Variants in TEKT3 observed in about 807,000 individuals in gnomAD.
The protein encoded by TEKT3 is tektin-3.
Under a neutral mutation model 49.8 loss-of-function variants are expected in TEKT3, and 49 were observed. That is an observed-to-expected ratio of 0.98 (90% CI 0.78 to 1.25). The LOEUF (loss-of-function observed/expected upper bound fraction) is 1.25, where lower values mean the gene tolerates loss of function less well. Ranked by LOEUF, TEKT3 falls within the 50% of genes most tolerant of loss-of-function variation. The probability of loss-of-function intolerance (pLI) is 0.00; values close to 1 mark genes in which losing one functional copy is unlikely to be tolerated. For synonymous variants in TEKT3, 225 were observed against 237.2 expected (o/e 0.95, Z 0.47); for missense variants, 595 against 629.5 (o/e 0.95, Z 0.59).
At chr17:15,326,156 C>G (rs960480823) in intron 4 of TEKT3, among the ~76,000 whole-genome samples, 1 of 152,116 alleles carries the variant, frequency 6.6e-6, no homozygotes, top group Non-Finnish European at 1.5e-5. Flanking sequence ...GATGTTAAAG[C>G]AGGGTGTTGA....
Position 15,308,701 on chromosome 17 carries a change from G to C in TEKT3, c.1219C>G (p.Pro407Ala), listed in dbSNP as rs777586187. The change falls in exon 8 of 9, where the codon CCG becomes GCG. Residue 407 changes from proline (P) to alanine (A), a missense_variant. Physicochemically the swap from Pro to Ala is conservative, Grantham distance 27. Coordinates refer to ENST00000395930, the MANE Select transcript of TEKT3 (RefSeq NM_031898.3). ...ATGTCTCGGCACAACTCAATGTTCGGCCGTCTTGTGCGCTCATCCAGTCTG... is the reference window on the plus strand; with the variant it reads ...ATGTCTCGGCACAACTCAATGTTCGCCCGTCTTGTGCGCTCATCCAGTCTG... ...QTRLDERTRR[P>A]NIELCRDMAQ... 2 of 1,612,858 alleles carry C rather than the reference G, an allele frequency of 1.2e-6. No homozygotes were observed. The highest frequency in any genetic ancestry group is 1.7e-6 in the Non-Finnish European group (2 of 1,179,564).
intron 5 of TEKT3, among the ~76,000 whole-genome samples, chr17:15,318,214 C>T (rs1334161913): frequency 6.6e-6 from 1 of 152,008 alleles, no homozygotes; most frequent in Non-Finnish European, 1.5e-5. Flanking sequence ...TGGTCTCGAT[C>T]TCCTGACATC....
chr17:15,321,211 A>G (rs993962946), intron 4 of TEKT3, among the ~76,000 whole-genome samples: 5 of 151,974 alleles, frequency 3.3e-5, no homozygotes, highest in Admixed American at 1.3e-4. Flanking sequence ...GGGTTTCACC[A>G]TGTTATCCAG....
chr17:15,306,893 T>A (rs1910572940), intron 8 of TEKT3: 1 of 152,222 alleles, frequency 6.6e-6, no homozygotes, highest in African/African-American at 2.4e-5. Context: ...GTTGGCTGTC[T>A]AGGGGCCCAT....
At chr17:15,326,835 C>T (rs1911513902) in intron 4 of TEKT3, among the ~76,000 whole-genome samples, 1 of 152,104 alleles carries the variant, frequency 6.6e-6, no homozygotes, top group Non-Finnish European at 1.5e-5. Flanking sequence ...GGTAGCAAGT[C>T]TAAGAAGTGA....
chr17:15,328,344 C>T (rs1424597437), intron 3 of TEKT3, among the ~76,000 whole-genome samples: 1 of 152,152 alleles, frequency 6.6e-6, no homozygotes, highest in African/African-American at 2.4e-5. Flanking sequence ...TTTACTTGAT[C>T]CCCGCAAATT....
chr17:15,314,055 G>A (rs762075453), intron 6 of TEKT3, 32 bp downstream of exon 6: 11 of 1,613,812 alleles, frequency 6.8e-6, no homozygotes, highest in Non-Finnish European at 4.2e-6. Context: ...AAATGACATC[G>A]AAATCACAGC....
At position 15,337,958 on chromosome 17, in the gene TEKT3, G is replaced by T. The variant is rs145282918; in HGVS notation, c.-30+2070C>A. The stretch of plus-strand genomic sequence containing the variant: ...TCAAATCAAGTAGACTTCTAAACAA[G>T]AAATATTATCGGAGATAAAGAGAAA... On this transcript the variant is annotated intron_variant, in intron 2 of 8. Transcript: ENST00000395930. 7.3e-4 allele frequency among the ~76,000 whole-genome samples: 111 copies of T among 152,226 alleles called. No homozygotes were observed. In the Middle Eastern group the frequency reaches 0.01, roughly 14 times the overall value.
chr17:15,327,268 A>G (rs575932935), intron 4 of TEKT3, among the ~76,000 whole-genome samples: 1 of 152,146 alleles, frequency 6.6e-6, no homozygotes, highest in Non-Finnish European at 1.5e-5. Context: ...CTGTAATCCC[A>G]GCACTTTGGG....
At position 15,314,379 on chromosome 17, in the gene TEKT3, C is replaced by T. The variant is rs187795035; in HGVS notation, c.735-149G>A. 1,330 of 1,079,750 alleles carry T rather than the reference C, an allele frequency of 1.2e-3. 17 individuals are homozygous for T. In the Admixed American group the frequency reaches 0.024, roughly 20 times the overall value. The allele number at this position is 1,079,750 out of a possible 1,614,324, so 66.9% of individuals were successfully genotyped here. On this transcript the variant is annotated intron_variant, in intron 5 of 8. Transcript: ENST00000395930. ...ACAGCGTTCAATTTCTCAGTCAAAA[C>T]GAGCACTCTCTGGATATGCCCATAC...
At chr17:15,335,907 T>A (rs1038117031) in intron 2 of TEKT3, among the ~76,000 whole-genome samples, 1 of 152,146 alleles carries the variant, frequency 6.6e-6, no homozygotes, top group African/African-American at 2.4e-5. Context: ...TCAGACTTTT[T>A]TTTTAACTAA....
At chr17:15,332,589 A>C (rs1911810851) in intron 2 of TEKT3, among the ~76,000 whole-genome samples, 1 of 152,192 alleles carries the variant, frequency 6.6e-6, no homozygotes. Context: ...ATGCAAACGC[A>C]GCTCGAGGCA....
chr17:15,336,837 C>T (rs1191853831), intron 2 of TEKT3, among the ~76,000 whole-genome samples: 1 of 152,030 alleles, frequency 6.6e-6, no homozygotes, highest in Non-Finnish European at 1.5e-5. Context: ...ATGGGTATGC[C>T]TAAGACCTCT....
chr17:15,332,977 A>G (rs1911829220), intron 2 of TEKT3, among the ~76,000 whole-genome samples: 1 of 152,030 alleles, frequency 6.6e-6, no homozygotes, highest in African/African-American at 2.4e-5. Context: ...GCTTTTTAAT[A>G]CAAAAACTGA....
intron 5 of TEKT3, among the ~76,000 whole-genome samples, chr17:15,318,241 G>A (rs373988480): frequency 1.1e-4 from 17 of 151,902 alleles, no homozygotes; most frequent in Middle Eastern, 3.4e-3. Flanking sequence ...TGCCCGCCCC[G>A]GCCTCCCAAA....
At chr17:15,325,219 G>A (rs1371388970) in intron 4 of TEKT3, among the ~76,000 whole-genome samples, 1 of 152,046 alleles carries the variant, frequency 6.6e-6, no homozygotes, top group African/African-American at 2.4e-5. Context: ...ATATTATTTT[G>A]GCTATTCACT....
intron 3 of TEKT3, among the ~76,000 whole-genome samples, chr17:15,329,520 A>G (rs991607537): frequency 6.6e-6 from 1 of 152,264 alleles, no homozygotes; most frequent in Non-Finnish European, 1.5e-5. Flanking sequence ...GAAGAACTGT[A>G]GAATAAACCA....
chr17:15,328,115 G>T, intron 3 of TEKT3, 40 bp from the exon 4 acceptor site: 1 of 1,519,312 alleles, frequency 6.6e-7, no homozygotes, highest in South Asian at 1.1e-5. Flanking sequence ...AATAAAAACT[G>T]ACAATCCATG....
intron 7 of TEKT3, among the ~76,000 whole-genome samples, chr17:15,309,529 C>T (rs886152672): frequency 1.3e-5 from 2 of 152,162 alleles, no homozygotes; most frequent in Non-Finnish European, 2.9e-5. Context: ...CCCTTCTCCA[C>T]GCATCTTGAT....
Sources: gnomAD v4.1 joint callset for allele counts (sites outside exome capture counted in the v4.1 genomes callset) on GRCh38, gnomAD v4.1.1 for gene constraint, MANE v1.5 for transcripts, NCBI Gene and HGNC (gene_info 2026-07-23, HGNC 2026-07-21) for gene names.